Variants in TAF1B observed in about 807,000 individuals in gnomAD.
TAF1B encodes the protein TATA-box binding protein associated factor, RNA polymerase I subunit B, also known as TATA box-binding protein-associated factor RNA polymerase I subunit B.
TAF1B carries 61 observed loss-of-function variants against 83.9 expected under a neutral mutation model. The observed-to-expected ratio is 0.73, with a 90% CI of 0.59 to 0.90. The LOEUF (loss-of-function observed/expected upper bound fraction) is 0.90. Ranked by LOEUF, TAF1B falls within the 40% of genes least tolerant of loss-of-function variation. TAF1B has a pLI of 0.00. For missense variants in TAF1B, 625 were observed against 677.0 expected (o/e 0.92, Z 0.85); for synonymous variants, 221 against 224.6 (o/e 0.98, Z 0.14).
At chr2:9,925,265 C>A (rs2125183221) in intron 14 of TAF1B, among the ~76,000 whole-genome samples, 1 of 152,100 alleles carries the variant, frequency 6.6e-6, no homozygotes, top group African/African-American at 2.4e-5. Flanking sequence ...CATGGTGAAA[C>A]CCCATCTCTA....
chr2:9,934,101 C>T lies in TAF1B; in HGVS notation c.*117C>T. 1 of 781,754 alleles carries T rather than the reference C, an allele frequency of 1.3e-6. No individual in the cohort carries two copies. The highest frequency in any genetic ancestry group is 2.7e-5 in the East Asian group (1 of 36,802). The allele number at this position is 781,754 out of a possible 1,614,324, so 48.4% of individuals were successfully genotyped here. A position where few individuals can be genotyped will look rare whatever the true frequency, so the allele number is the denominator to read the frequency against. ...CTGCATATATATGTATAGACTCTGA[C>T]ACATATTTACATATATATCAAGTGT... On this transcript the variant is annotated 3_prime_UTR_variant, in exon 15 of 15. Coordinates refer to ENST00000263663, the MANE Select transcript of TAF1B (RefSeq NM_005680.3).
Position 9,913,205 on chromosome 2 carries a change from A to C in TAF1B, c.1227A>C (p.Lys409Asn). 6.2e-7 allele frequency: 1 copy of C among 1,612,956 alleles called. No individual in the cohort carries two copies. The highest frequency in any genetic ancestry group is 8.5e-7 in the Non-Finnish European group (1 of 1,179,702). ...GAAAGTGGTACCAAATTATGAAGAAAGCTTTTGATGAGAAAAAACAAAAAT... is the reference window on the plus strand; with the variant it reads ...GAAAGTGGTACCAAATTATGAAGAACGCTTTTGATGAGAAAAAACAAAAAT... ...DFRKWYQIMKKAFDEKKQKWE... is the reference protein window; with the variant it reads ...DFRKWYQIMKNAFDEKKQKWE... The change falls in exon 12 of 15, where the codon AAA becomes AAC. Residue 409 changes from lysine (K) to asparagine (N), a missense_variant. Coordinates refer to ENST00000263663, the MANE Select transcript of TAF1B (RefSeq NM_005680.3).
At chr2:9,894,161 A>G (rs1348325938) in intron 8 of TAF1B, among the ~76,000 whole-genome samples, 5 of 152,318 alleles carry the variant, frequency 3.3e-5, no homozygotes, top group South Asian at 2.1e-4. Flanking sequence ...AAGACCTACT[A>G]TAATTCCGTC....
intron 5 of TAF1B, among the ~76,000 whole-genome samples, chr2:9,864,264 A>C (rs1663886277): frequency 6.9e-6 from 1 of 145,502 alleles, no homozygotes; most frequent in South Asian, 2.2e-4. Context: ...GATAAAGGGA[A>C]TATCACCACC....
At chr2:9,848,911 A>C (rs1230543101) in intron 2 of TAF1B, among the ~76,000 whole-genome samples, 1 of 152,234 alleles carries the variant, frequency 6.6e-6, no homozygotes, top group African/African-American at 2.4e-5. Context: ...TACTTTTATA[A>C]TTTCAGAAAT....
At chr2:9,845,938 A>G (rs2125132496) in intron 2 of TAF1B, 1 of 365,398 alleles carries the variant, frequency 2.7e-6, no homozygotes, top group Non-Finnish European at 5.5e-6. Flanking sequence ...AGACGAGATC[A>G]CGCCACTGTA....
At chr2:9,843,851 C>T (rs1186821418) in intron 1 of TAF1B, 3 of 316,802 alleles carry the variant, frequency 9.5e-6, no homozygotes, top group African/African-American at 2.2e-5. Flanking sequence ...TGTGGGGTGG[C>T]CACCCACAGG....
At chr2:9,854,001 C>A (rs1663481464) in intron 4 of TAF1B, among the ~76,000 whole-genome samples, 1 of 152,096 alleles carries the variant, frequency 6.6e-6, no homozygotes, top group East Asian at 1.9e-4. Context: ...TATTATAATT[C>A]TTTTTAAGGA....
chr2:9,848,057 G>A (rs771714206), intron 2 of TAF1B, among the ~76,000 whole-genome samples: 9 of 152,050 alleles, frequency 5.9e-5, no homozygotes, highest in East Asian at 3.9e-4. Context: ...GCTCTTTCAC[G>A]TTTTGTCTAG....
At chr2:9,865,398 T>A (rs1317001189) in intron 5 of TAF1B, among the ~76,000 whole-genome samples, 1 of 152,148 alleles carries the variant, frequency 6.6e-6, no homozygotes, top group Admixed American at 6.5e-5. Flanking sequence ...GCGAAGGACC[T>A]CTTCGAGGAG....
chr2:9,928,369 A>G (rs10803710), intron 14 of TAF1B, among the ~76,000 whole-genome samples: 77,509 of 151,896 alleles, frequency 0.51, 22,832 homozygotes, highest in Non-Finnish European at 0.68. Flanking sequence ...TTCCATATGA[A>G]CTTTAGTTTT....
chr2:9,929,182 G>A (rs1055004001), intron 14 of TAF1B, among the ~76,000 whole-genome samples: 6 of 110,594 alleles, frequency 5.4e-5, no homozygotes, highest in Non-Finnish European at 7.2e-5. Context: ...GTTTAGAGAC[G>A]GAGTCTCGCT....
rs754552541 is a variant in TAF1B at position 9,875,884 on chromosome 2, A to C, written c.573A>C (p.Gly191=). Residue 191 remains glycine (G), a synonymous_variant, in exon 7 of 15, where the codon GGA becomes GGC. Coordinates refer to ENST00000263663, the MANE Select transcript of TAF1B (RefSeq NM_005680.3). ...ASQSETSVCS[G]SLDGVEYSQR... is the part of the protein sequence containing the mutation. ...CCTAAGAAACGTCTGTCTGCTCTGG[A>C]TCTCTGGATGGAGTTGAATACTCAC... 6.2e-6 allele frequency: 10 copies of C among 1,604,834 alleles called. No individual in the cohort carries two copies. The highest frequency in any genetic ancestry group is 1.1e-5 in the South Asian group (1 of 90,140).
chr2:9,889,088 C>G (rs559603626), intron 8 of TAF1B, among the ~76,000 whole-genome samples: 1 of 151,536 alleles, frequency 6.6e-6, no homozygotes, highest in South Asian at 2.1e-4. Context: ...GGGTGGGGAG[C>G]CACTGCACCC....
At chr2:9,880,845 A>C (rs1664480994) in intron 7 of TAF1B, among the ~76,000 whole-genome samples, 1 of 152,230 alleles carries the variant, frequency 6.6e-6, no homozygotes, top group South Asian at 2.1e-4. Flanking sequence ...GGTATACATT[A>C]CATCTTGTAT....
chr2:9,904,599 A>G (rs948034019), intron 8 of TAF1B, among the ~76,000 whole-genome samples: 5 of 152,292 alleles, frequency 3.3e-5, no homozygotes, highest in East Asian at 3.9e-4. Context: ...TCCTTTGGGT[A>G]TATATCCAGT....
In TAF1B at chr2:9,919,792, T is replaced by C. The variant is rs754704790; in HGVS notation, c.1537T>C (p.Trp513Arg). 1 of 1,614,122 alleles carries C rather than the reference T, an allele frequency of 6.2e-7. No individual in the cohort carries two copies. The highest frequency in any genetic ancestry group is 2.2e-5 in the East Asian group (1 of 44,870). The change falls in exon 14 of 15, where the codon TGG becomes CGG. Residue 513 changes from tryptophan to arginine, a missense_variant. Coordinates refer to ENST00000263663, the MANE Select transcript of TAF1B (RefSeq NM_005680.3). ...ACTGCTGACTAAGAATTCATTATAT[T>C]GGCTTAGTACACAGAAATTCTGCAG... The part of the protein sequence containing the change: ...QSLLTKNSLY[W>R]LSTQKFCRCY...
intron 1 of TAF1B, among the ~76,000 whole-genome samples, chr2:9,844,643 G>T (rs563609410): frequency 1.1e-4 from 16 of 152,246 alleles, no homozygotes; most frequent in Admixed American, 2.0e-4. Flanking sequence ...TAAATGCTAG[G>T]CTGATGAAAT....
chr2:9,859,386 ATTTTTT>A (rs34951709), intron 5 of TAF1B, among the ~76,000 whole-genome samples: 2 of 133,446 alleles, frequency 1.5e-5, no homozygotes, highest in African/African-American at 5.5e-5. Context: ...CACTATCAGC[ATTTTTT>A]TTTTTTTTTT....
Sources: allele counts gnomAD v4.1 joint callset (sites outside exome capture counted in the v4.1 genomes callset), GRCh38; gene constraint gnomAD v4.1.1; transcripts MANE v1.5; gene names NCBI Gene and HGNC (gene_info 2026-07-23, HGNC 2026-07-21).